Variants in ELFN1 observed in about 807,000 individuals in gnomAD.
The protein encoded by ELFN1 is protein ELFN1.
A neutral mutation model predicts 7.6 loss-of-function variants in ELFN1; 6 were observed. The ratio of observed to expected loss-of-function variants is 0.79; its 90% CI spans 0.43 to 1.56. ELFN1 has a LOEUF of 1.56. Ranked by LOEUF, ELFN1 falls within the 40% of genes most tolerant of loss-of-function variation. The pLI, the probability that ELFN1 is intolerant of heterozygous loss-of-function variation, is 0.01. For synonymous variants in ELFN1, 657 were observed against 588.1 expected, an observed-to-expected ratio of 1.12 and a Z score of -1.70; for missense variants, 1,169 against 1,232.2, an observed-to-expected ratio of 0.95 and a Z score of 0.77.
rs1028217780 is a variant in ELFN1 at position 1,746,576 on chromosome 7, C to T, written c.1980C>T (p.His660=). The T allele has an allele frequency of 5.9e-6, 8 of 1,350,546 alleles. No homozygotes were observed. The highest frequency in any genetic ancestry group is 4.0e-5 in the Admixed American group (1 of 25,054). 83.7% of individuals were successfully genotyped at this position (1,350,546 alleles called of 1,614,324 possible). Residue 660 remains histidine (H), a synonymous_variant, in exon 4 of 4, where the codon CAC becomes CAT. Coordinates refer to ENST00000424383, the MANE Select transcript of ELFN1 (RefSeq NM_001128636.4). ...RAFRAEAVGV[H]KAAAAEAKYI... The stretch of plus-strand genomic sequence containing the variant: ...TCCGAGCCGAGGCCGTCGGGGTGCA[C>T]AAGGCCGCGGCCGCCGAGGCCAAGT...
chr7:1,699,561 A>C (rs1287414832), intron 2 of ELFN1, among the ~76,000 whole-genome samples: 4 of 152,130 alleles, frequency 2.6e-5, no homozygotes, highest in Admixed American at 2.6e-4. Context: ...GGATCACCTG[A>C]GCCCTAAGGG....
intron 1 of ELFN1, among the ~76,000 whole-genome samples, chr7:1,674,242 G>T (rs1778824868): frequency 6.6e-6 from 1 of 152,164 alleles, no homozygotes; most frequent in Non-Finnish European, 1.5e-5. Flanking sequence ...GGCCATGGGG[G>T]TGCACAGGAG....
rs772138706 is a variant in ELFN1 at position 1,746,321 on chromosome 7, G to T, written c.1725G>T (p.Ala575=). 3 of 1,562,308 alleles carry T rather than the reference G, an allele frequency of 1.9e-6. No individual in the cohort carries two copies. The highest frequency in any genetic ancestry group is 2.7e-5 in the African/African-American group (2 of 73,516). The stretch of plus-strand genomic sequence containing the variant: ...AGATCATCAACAACTGCATCGACGC[G>T]CTCAAGTCCGAGTCCACCTCCTTCC... ...VNQIINNCID[A]LKSESTSFQG... Residue 575 remains alanine (A), a synonymous_variant, in exon 4 of 4, where the codon GCG becomes GCT. Coordinates refer to ENST00000424383, the MANE Select transcript of ELFN1 (RefSeq NM_001128636.4).
chr7:1,670,157 G>A (rs1453882176), upstream of ELFN1, among the ~76,000 whole-genome samples: 3 of 148,282 alleles, frequency 2.0e-5, no homozygotes, highest in African/African-American at 7.4e-5. This position sits in a 1 kb window ranked among gnomAD's most constrained non-coding sequence, Gnocchi z 6.4. Context: ...GAGAGAAGGA[G>A]GGAGGGAGGG....
At chr7:1,667,971 G>GC (rs1221293045), upstream of ELFN1, among the ~76,000 whole-genome samples, 1 of 141,388 alleles carries the variant, frequency 7.1e-6, no homozygotes, top group Non-Finnish European at 1.6e-5. This position sits in a 1 kb window ranked among gnomAD's most constrained non-coding sequence, Gnocchi z 8.2. Context: ...GGGGTGGGGG[G>GC]GGGGGGCGGC....
chr7:1,724,616 C>A (rs1399812608), intron 3 of ELFN1, among the ~76,000 whole-genome samples: 1 of 152,180 alleles, frequency 6.6e-6, no homozygotes, highest in Non-Finnish European at 1.5e-5. Flanking sequence ...CCCACCCGGA[C>A]CCCCTTTGGG....
In ELFN1 at chr7:1,740,599, T is replaced by G. The variant is rs945915684; in HGVS notation, c.-293-3705T>G. Among the ~76,000 whole-genome samples, 3 of 152,086 alleles carry G rather than the reference T, an allele frequency of 2.0e-5. No individual in the cohort carries two copies. Among genetic ancestry groups the G allele is most frequent in the African/African-American group, 7.2e-5 (3 of 41,396 alleles). ...GGGGCCTGTGGTCTGTCCAGAACCT[T>G]CCTAGGTGATTCGGCCTTTCCCTGT... On this transcript the variant is annotated intron_variant, in intron 3 of 3. Transcript: ENST00000424383. This position sits in a 1 kb window ranked among gnomAD's most constrained non-coding sequence, Gnocchi z 5.0.
At chr7:1,697,471 G>A (rs996697604) in intron 2 of ELFN1, among the ~76,000 whole-genome samples, 5 of 152,250 alleles carry the variant, frequency 3.3e-5, no homozygotes, top group African/African-American at 1.2e-4. Flanking sequence ...GACCCTGCCT[G>A]CCAGGTCCCG....
chr7:1,730,641 A>G (rs1780307568), intron 3 of ELFN1, among the ~76,000 whole-genome samples: 1 of 152,260 alleles, frequency 6.6e-6, no homozygotes, highest in Admixed American at 6.5e-5. Flanking sequence ...CGGATTTTAA[A>G]GTAACTGCTA....
chr7:1,745,375 T>A lies in ELFN1; in HGVS notation c.779T>A (p.Val260Asp). ...GAGGACTCGTACGCGGCTGAGGTGG[T>A]CGGGCCCCCACGTCCAGCATCCGGG... is the stretch of plus-strand genomic sequence containing the variant. Reference protein sequence around the residue: ...CTEDSYAAEVVGPPRPASGRS... With the variant: ...CTEDSYAAEVDGPPRPASGRS... The change falls in exon 4 of 4, where the codon GTC becomes GAC. Residue 260 changes from valine to aspartate, a missense_variant. This residue lies in a region of ELFN1 where 914 missense variants were observed against 872.6 expected (regional missense o/e 1.05). Transcript: ENST00000424383. 1 of 1,538,992 alleles carries A rather than the reference T, an allele frequency of 6.5e-7. No individual in the cohort carries two copies.
At chr7:1,685,447 G>T (rs1779046086) in intron 1 of ELFN1, among the ~76,000 whole-genome samples, 1 of 152,026 alleles carries the variant, frequency 6.6e-6, no homozygotes, top group African/African-American at 2.4e-5. Flanking sequence ...CACCACATAT[G>T]CTAGTGCACT....
At chr7:1,736,347 T>A (rs1274936483) in intron 3 of ELFN1, among the ~76,000 whole-genome samples, 1 of 152,108 alleles carries the variant, frequency 6.6e-6, no homozygotes, top group African/African-American at 2.4e-5. Context: ...GAATCCTCAG[T>A]CCAGCCCCGG....
intron 3 of ELFN1, among the ~76,000 whole-genome samples, chr7:1,723,436 T>A (rs561396144): frequency 6.6e-6 from 1 of 152,358 alleles, no homozygotes; most frequent in Non-Finnish European, 1.5e-5. Flanking sequence ...GAGAGCTTGC[T>A]TGTTGGCTGG....
In ELFN1 at chr7:1,745,045, G is replaced by A; in HGVS notation, c.449G>A (p.Ser150Asn). 1.3e-6 allele frequency: 2 copies of A among 1,551,096 alleles called. No homozygotes were observed. The highest frequency in any genetic ancestry group is 1.7e-6 in the Non-Finnish European group (2 of 1,146,990). Residue 150 changes from serine to asparagine, a missense_variant, in exon 4 of 4, where the codon AGC (serine) becomes AAC (asparagine). Ser to Asn is a conservative substitution (Grantham distance 46). Transcript: ENST00000424383. ...AACCTCATCGAGGTGGTCATGGCCA[G>A]CAGCTTCTGGGAGTGTCCCAACATC... ...QANLIEVVMA[S>N]SFWECPNIVN...
At chr7:1,721,489 C>T (rs755671129) in intron 3 of ELFN1, among the ~76,000 whole-genome samples, 6 of 152,224 alleles carry the variant, frequency 3.9e-5, no homozygotes, top group Non-Finnish European at 5.9e-5. Context: ...CCTAGCGTGG[C>T]GTCTGGCACA....
At chr7:1,741,558 T>C (rs73278908) in intron 3 of ELFN1, among the ~76,000 whole-genome samples, 7,361 of 152,064 alleles carry the variant, frequency 0.048, 492 homozygotes, top group African/African-American at 0.14. Context: ...CAGATTCTTA[T>C]ACTCACAATG....
chr7:1,734,955 A>G (rs1780405419), intron 3 of ELFN1, among the ~76,000 whole-genome samples: 1 of 152,054 alleles, frequency 6.6e-6, no homozygotes, highest in African/African-American at 2.4e-5. Flanking sequence ...TCCGCCTCCC[A>G]AAGTGCTGGG....
chr7:1,680,460 C>T (rs968699999), intron 1 of ELFN1, among the ~76,000 whole-genome samples: 4 of 152,180 alleles, frequency 2.6e-5, no homozygotes, highest in Non-Finnish European at 5.9e-5. Flanking sequence ...AAAGGGGCAG[C>T]GGCTGTGCTG....
At chr7:1,697,149 T>C (rs1349731048) in intron 2 of ELFN1, among the ~76,000 whole-genome samples, 2 of 152,158 alleles carry the variant, frequency 1.3e-5, no homozygotes, top group Non-Finnish European at 1.5e-5. Flanking sequence ...GAGATGAGGA[T>C]GGCAACTTGT....
Sources: gnomAD v4.1 joint callset for allele counts (sites outside exome capture counted in the v4.1 genomes callset) on GRCh38, gnomAD v4.1.1 for gene constraint, gnomAD v4.1.1 regional missense constraint, Gnocchi (gnomAD v3.1) non-coding constraint, MANE v1.5 for transcripts, NCBI Gene and HGNC (gene_info 2026-07-23, HGNC 2026-07-21) for gene names.